WWC1: variants seen among roughly 807,000 people sequenced by gnomAD.
WWC1 encodes the protein WW and C2 domain containing 1.
Under a neutral mutation model 138.4 loss-of-function variants are expected in WWC1, and 55 were observed. The observed-to-expected ratio is 0.40, with a 90% CI of 0.32 to 0.50. The LOEUF (loss-of-function observed/expected upper bound fraction) is 0.50. WWC1 is among the 20% of genes least tolerant of loss of function. The probability of loss-of-function intolerance (pLI) is 0.72; values close to 1 mark genes in which losing one functional copy is unlikely to be tolerated. For missense variants in WWC1, 1,226 were observed against 1,420.4 expected (o/e 0.86, Z 2.20); for synonymous variants, 524 against 564.9 (o/e 0.93, Z 1.03).
At chr5:168,361,615 T>C (rs986234155) in intron 1 of WWC1, among the ~76,000 whole-genome samples, 2 of 152,210 alleles carry the variant, frequency 1.3e-5, no homozygotes, top group African/African-American at 4.8e-5. Flanking sequence ...CCTGGCATTA[T>C]GTGATGCAGG....
Position 168,296,294 on chromosome 5 carries a change from G to A in WWC1, c.119+4023G>A, listed in dbSNP as rs540633816. 4.4e-4 allele frequency among the ~76,000 whole-genome samples: 67 copies of A among 152,250 alleles called. 1 individual carries two copies. The highest frequency in any genetic ancestry group is 3.3e-4 in the Admixed American group (5 of 15,284). Reference sequence around the variant, plus strand: ...TTTCTGGGTCTGTATGGTAAGTACCGGAGGCACACATGGCTGGAGAGGCCA... The same window carrying A: ...TTTCTGGGTCTGTATGGTAAGTACCAGAGGCACACATGGCTGGAGAGGCCA... On this transcript the variant is annotated intron_variant, in intron 1 of 22. Transcript: ENST00000265293.
intron 3 of WWC1, among the ~76,000 whole-genome samples, chr5:168,396,110 G>A (rs1456094277): frequency 2.0e-5 from 3 of 152,018 alleles, no homozygotes; most frequent in Admixed American, 6.6e-5. Context: ...ATAGCCAGGT[G>A]CGGTGGCTCA....
intron 2 of WWC1, among the ~76,000 whole-genome samples, chr5:168,376,586 AG>A (rs1371943025): frequency 2.6e-5 from 4 of 152,222 alleles, no homozygotes; most frequent in Non-Finnish European, 5.9e-5. Flanking sequence ...GCAAAGTTTC[AG>A]GATACAAAAT....
At chr5:168,451,066 GATCTCGGCTCACTGCA>G (rs70976487) in intron 17 of WWC1, among the ~76,000 whole-genome samples, 47,357 of 151,652 alleles carry the variant, frequency 0.31, 8,705 homozygotes, top group Middle Eastern at 0.45. Context: ...CCCAGGCTGC[GATCTCGGCTCACTGCA>G]ATCTCGGCTC....
intron 21 of WWC1, among the ~76,000 whole-genome samples, chr5:168,465,986 G>A (rs1469217729): frequency 6.6e-6 from 1 of 152,108 alleles, no homozygotes; most frequent in African/African-American, 2.4e-5. Context: ...CTCGGGAAGA[G>A]GGACCATCTA....
chr5:168,386,005 C>T (rs1418903565), intron 3 of WWC1, among the ~76,000 whole-genome samples: 1 of 152,030 alleles, frequency 6.6e-6, no homozygotes, highest in Non-Finnish European at 1.5e-5. Context: ...GAGCCCCCAG[C>T]CCCCCTTTCT....
intron 20 of WWC1, 94 bp from the exon 21 acceptor site, chr5:168,464,635 T>C: frequency 6.5e-7 from 1 of 1,537,588 alleles, no homozygotes; most frequent in Non-Finnish European, 8.8e-7. Context: ...AGTGGATGCC[T>C]ACAAGAGAGG....
At chr5:168,386,223 G>A (rs1282447722) in intron 3 of WWC1, among the ~76,000 whole-genome samples, 1 of 151,920 alleles carries the variant, frequency 6.6e-6, no homozygotes, top group Non-Finnish European at 1.5e-5. Flanking sequence ...GGCCATGGCT[G>A]TCTGTTTATT....
At chr5:168,434,783 C>T (rs1437131910) in intron 15 of WWC1, among the ~76,000 whole-genome samples, 2 of 152,206 alleles carry the variant, frequency 1.3e-5, no homozygotes, top group Non-Finnish European at 2.9e-5. Flanking sequence ...CCCTGCATGG[C>T]ATCACAGGGA....
In WWC1 at chr5:168,441,693, G is replaced by C. The variant is rs750328297; in HGVS notation, c.2292G>C (p.Gln764His). The stretch of plus-strand genomic sequence containing the variant: ...TCCATCCCCAACAGGGAGGCGCCCA[G>C]ATCAGCCTGGCGGAGGTCTGCCGGT... The part of the protein sequence containing the change: ...SHLEECLGGA[Q>H]ISLAEVCRSG... The change falls in exon 16 of 23, where the codon CAG becomes CAC. Residue 764 changes from glutamine to histidine, a missense_variant. Transcript: ENST00000265293. 6.2e-7 allele frequency: 1 copy of C among 1,613,898 alleles called. No homozygotes were observed. Among genetic ancestry groups the C allele is most frequent in the African/African-American group, 1.3e-5 (1 of 74,912 alleles).
chr5:168,418,579 T>C (rs80332284), intron 9 of WWC1, among the ~76,000 whole-genome samples: 16,881 of 152,076 alleles, frequency 0.11, 1,419 homozygotes, highest in East Asian at 0.24. Flanking sequence ...GGAGGTGGCC[T>C]CGGCACCTGT....
In WWC1 at chr5:168,431,312, G is replaced by C. The variant is rs762180799; in HGVS notation, c.2148G>C (p.Arg716=). Residue 716 remains arginine, a synonymous_variant, in exon 15 of 23, where the codon CGG becomes CGC. Coordinates refer to ENST00000265293, the MANE Select transcript of WWC1 (RefSeq NM_015238.3). ...SESTTCLFRT[R]PLDASDTLVF... ...GCACAACCTGCCTGTTCCGGACCCG[G>C]CCTCTGGACGCCTCAGACACTCTAG... 2 of 1,614,154 alleles carry C rather than the reference G, an allele frequency of 1.2e-6. No homozygotes were observed. The highest frequency in any genetic ancestry group is 2.2e-5 in the South Asian group (2 of 91,076).
intron 9 of WWC1, among the ~76,000 whole-genome samples, chr5:168,419,663 G>T (rs1357479519): frequency 6.6e-6 from 1 of 152,216 alleles, no homozygotes; most frequent in Admixed American, 6.5e-5. Context: ...TGGGCCACAG[G>T]CGGAGAAAGA....
At chr5:168,359,308 C>T (rs1199191170) in intron 1 of WWC1, among the ~76,000 whole-genome samples, 4 of 152,308 alleles carry the variant, frequency 2.6e-5, no homozygotes, top group Non-Finnish European at 4.4e-5. Flanking sequence ...CCCACCTCAA[C>T]GTCCCCAAGT....
intron 1 of WWC1, among the ~76,000 whole-genome samples, chr5:168,320,880 G>C (rs1772013821): frequency 6.6e-6 from 1 of 152,148 alleles, no homozygotes; most frequent in Admixed American, 6.5e-5. Context: ...GTGCAGAACT[G>C]GCAACCAGAA....
At chr5:168,310,350 T>G (rs1349264232) in intron 1 of WWC1, among the ~76,000 whole-genome samples, 1 of 151,608 alleles carries the variant, frequency 6.6e-6, no homozygotes, top group African/African-American at 2.4e-5. Flanking sequence ...TTATTCTTTC[T>G]CTCTGAATAT....
chr5:168,299,761 T>C (rs1769892633), intron 1 of WWC1, among the ~76,000 whole-genome samples: 2 of 152,150 alleles, frequency 1.3e-5, no homozygotes, highest in South Asian at 2.1e-4. Flanking sequence ...CTAGAATAAG[T>C]GTGAGTCGAA....
At position 168,423,149 on chromosome 5, in the gene WWC1, C is replaced by CAAAAAAA. The variant is rs773855632; in HGVS notation, c.1275-367_1275-361dup. On this transcript the variant is annotated intron_variant, in intron 10 of 22. Coordinates refer to ENST00000265293, the MANE Select transcript of WWC1 (RefSeq NM_015238.3). ...GACAGAGCAAGACTCCATCCCCCCCCAAAAAAAAAAAAAAAAAAAAAAACA... is the reference window on the plus strand; with the variant it reads ...GACAGAGCAAGACTCCATCCCCCCCCAAAAAAAAAAAAAAAAAAAAAAAAAAAAAACA... 3.1e-3 allele frequency among the ~76,000 whole-genome samples: 219 copies of CAAAAAAA among 71,124 alleles called. 6 individuals carry two copies. The highest frequency in any genetic ancestry group is 0.012 in the South Asian group (21 of 1,792). The allele number at this position is 71,124 out of a possible 152,430, so 46.7% of individuals were successfully genotyped here. A position where few individuals can be genotyped will look rare whatever the true frequency, so the allele number is the denominator to read the frequency against.
intron 1 of WWC1, among the ~76,000 whole-genome samples, chr5:168,309,716 T>G (rs1770896176): frequency 6.6e-6 from 1 of 151,956 alleles, no homozygotes; most frequent in South Asian, 2.1e-4. Context: ...AATAGACACC[T>G]CTCCCTCTAA....
Sources: gnomAD v4.1 joint callset for allele counts (sites outside exome capture counted in the v4.1 genomes callset) on GRCh38, gnomAD v4.1.1 for gene constraint, MANE v1.5 for transcripts, NCBI Gene and HGNC (gene_info 2026-07-23, HGNC 2026-07-21) for gene names.